Variants in MID2 observed in about 807,000 individuals in gnomAD.
MID2 encodes midline 2.
A neutral mutation model predicts 46.1 loss-of-function variants in MID2; 13 were observed. The ratio of observed to expected loss-of-function variants is 0.28; its 90% CI spans 0.18 to 0.45. MID2 has a LOEUF of 0.45. Ranked by LOEUF, MID2 falls within the 20% of genes least tolerant of loss-of-function variation. MID2 has a pLI of 1.00. For missense variants in MID2, 431 were observed against 575.4 expected (o/e 0.75, Z 2.57); for synonymous variants, 199 against 212.3 (o/e 0.94, Z 0.55).
At chrX:107,871,794 TC>T (rs1440582223) in intron 3 of MID2, among the ~76,000 whole-genome samples, 1 of 111,056 alleles carries the variant, frequency 9.0e-6, no homozygotes, top group Non-Finnish European at 1.9e-5. Context: ...CTTTCCAACT[TC>T]CAACCATAGT....
chrX:107,867,492 C>G (rs1294621120), intron 3 of MID2, among the ~76,000 whole-genome samples: 3 of 110,764 alleles, frequency 2.7e-5, no homozygotes, highest in Admixed American at 9.7e-5. Flanking sequence ...TTTATACTGC[C>G]CCTCTGCTGG....
intron 6 of MID2, among the ~76,000 whole-genome samples, chrX:107,916,907 G>A (rs1300179231): frequency 2.7e-5 from 3 of 112,484 alleles, no homozygotes; most frequent in Non-Finnish European, 3.8e-5. Flanking sequence ...TTGGGAGGCC[G>A]AGGTGGGTGG....
At chrX:107,854,504 G>A in intron 2 of MID2, 105 bp from the exon 3 acceptor site, 1 of 554,302 alleles carries the variant, frequency 1.8e-6, no homozygotes, top group Admixed American at 2.5e-5. Context: ...TGAAACATTT[G>A]TCTACTGACT....
In MID2 at chrX:107,898,902, A is replaced by G. The variant is rs187462719; in HGVS notation, c.817-5056A>G. 7.8e-4 allele frequency among the ~76,000 whole-genome samples: 87 copies of G among 111,406 alleles called. 1 individual carries two copies. The highest frequency in any genetic ancestry group is 2.5e-4 in the Non-Finnish European group (13 of 53,049). ...AAGCCAGTGAGGAATTCCTTGCCATATAATTATTATTATTATTATTGCATT... is the reference window on the plus strand; with the variant it reads ...AAGCCAGTGAGGAATTCCTTGCCATGTAATTATTATTATTATTATTGCATT... On this transcript the variant is annotated intron_variant, in intron 3 of 9. Transcript: ENST00000262843.
At chrX:107,892,918 C>T (rs977419266) in intron 3 of MID2, among the ~76,000 whole-genome samples, 1 of 112,762 alleles carries the variant, frequency 8.9e-6, no homozygotes, top group African/African-American at 3.2e-5. Flanking sequence ...TGCTCAGTAT[C>T]TGCTTCCCTG....
Position 107,829,251 on chromosome X carries a change from T to G in MID2, c.4+2821T>G, listed in dbSNP as rs533245882. 6.6e-4 allele frequency among the ~76,000 whole-genome samples: 74 copies of G among 112,181 alleles called. 2 individuals are homozygous for G. The South Asian group carries it at 0.026, about 39-fold the overall frequency. On this transcript the variant is annotated intron_variant, in intron 1 of 9. Transcript: ENST00000262843. ...GATTGACTGGGTGTAAGCAGGAATC[T>G]TAGCTTACTGAAAACCTTTAGCTTC... is the stretch of plus-strand genomic sequence containing the variant.
rs769517180 is a variant in MID2, at chrX:107,908,601, G to A, written c.1073+2975G>A. Among the ~76,000 whole-genome samples the A allele has an allele frequency of 1.3e-4, 14 of 109,567 alleles. No homozygotes were observed. In the East Asian group the frequency reaches 4.0e-3, roughly 31 times the overall value. On this transcript the variant is annotated intron_variant, in intron 5 of 9. Coordinates refer to ENST00000262843, the MANE Select transcript of MID2 (RefSeq NM_012216.4). ...TCCATATCTCAAGATATTCAGGCTG[G>A]GTGTGGTGGCTCACACCTTTAATCA... is the stretch of plus-strand genomic sequence containing the variant.
At chrX:107,831,481 A>G (rs1311143454) in intron 1 of MID2, among the ~76,000 whole-genome samples, 5 of 112,342 alleles carry the variant, frequency 4.5e-5, no homozygotes, top group Non-Finnish European at 9.4e-5. Context: ...CTTAATATAT[A>G]CAGCACAGAG....
At chrX:107,887,519 G>A (rs1183695087) in intron 3 of MID2, among the ~76,000 whole-genome samples, 1 of 111,566 alleles carries the variant, frequency 9.0e-6, no homozygotes, top group Non-Finnish European at 1.9e-5. Context: ...TGCTGGATTC[G>A]GTTTGCCAGT....
intron 3 of MID2, among the ~76,000 whole-genome samples, chrX:107,858,223 G>A (rs1410091207): frequency 8.9e-6 from 1 of 111,852 alleles, no homozygotes; most frequent in South Asian, 3.8e-4. Flanking sequence ...TTTCTGCTGC[G>A]GCTGGAGAGC....
chrX:107,843,269 C>T (rs1265833673), intron 2 of MID2, among the ~76,000 whole-genome samples: 1 of 112,048 alleles, frequency 8.9e-6, no homozygotes, highest in Non-Finnish European at 1.9e-5. Context: ...TCCATATGCA[C>T]TGTTGAGATA....
At chrX:107,884,684 A>AAAAAC (rs3060813) in intron 3 of MID2, among the ~76,000 whole-genome samples, 8,675 of 108,569 alleles carry the variant, frequency 0.08, 375 homozygotes, top group Non-Finnish European at 0.12. Context: ...CAAAGAGACC[A>AAAAAC]AAAACAAAAC....
At chrX:107,850,483 C>T (rs1010283474) in intron 2 of MID2, among the ~76,000 whole-genome samples, 4 of 112,002 alleles carry the variant, frequency 3.6e-5, no homozygotes, top group South Asian at 7.4e-4. Flanking sequence ...AGTAAATGTT[C>T]GGTGTTTTCC....
chrX:107,928,123 C>T lies in MID2; in HGVS notation c.*1050C>T, dbSNP rs993598725. ...CTTTTAAAAAGTTGCACAGTGAAGG[C>T]TCTTTAGGAACCTACTTTACTTAAT... On this transcript the variant is annotated 3_prime_UTR_variant, in exon 10 of 10. Coordinates refer to ENST00000262843, the MANE Select transcript of MID2 (RefSeq NM_012216.4). Among the ~76,000 whole-genome samples the T allele has an allele frequency of 1.5e-4, 17 of 111,853 alleles. No homozygotes were observed. Among genetic ancestry groups the T allele is most frequent in the African/African-American group, 5.5e-4 (17 of 30,778 alleles).
Position 107,926,860 on chromosome X carries a change from G to A in MID2, c.1995G>A (p.Leu665=). 8.3e-7 allele frequency: 1 copy of A among 1,210,748 alleles called. No homozygotes were observed. The highest frequency in any genetic ancestry group is 1.1e-6 in the Non-Finnish European group (1 of 894,603). The change falls in exon 10 of 10, where the codon CTG becomes CTA. Residue 665 remains leucine, a synonymous_variant. Coordinates refer to ENST00000262843, the MANE Select transcript of MID2 (RefSeq NM_012216.4). ...GVLLDYDNNM[L]SFYDPANSLH... ...TCCTGGATTATGACAACAATATGCT[G>A]TCTTTCTATGACCCAGCTAACTCTC...
In MID2 at chrX:107,876,240, A is replaced by G. The variant is rs749021518; in HGVS notation, c.816+21536A>G. On this transcript the variant is annotated intron_variant, in intron 3 of 9. Coordinates refer to ENST00000262843, the MANE Select transcript of MID2 (RefSeq NM_012216.4). ...CTCTCTCCTGGACCTCCCTATCTCT[A>G]TTATAAAAGATCAAGGTGGCCACTT... Among the ~76,000 whole-genome samples the G allele has an allele frequency of 2.7e-4, 30 of 110,946 alleles. No homozygotes were observed. In the South Asian group the frequency reaches 0.012, roughly 43 times the overall value.
At position 107,916,059 on chromosome X, in the gene MID2, T is replaced by A; in HGVS notation, c.1131T>A (p.Asp377Glu). 1 of 1,203,929 alleles carries A rather than the reference T, an allele frequency of 8.3e-7. No homozygotes were observed. The highest frequency in any genetic ancestry group is 1.1e-6 in the Non-Finnish European group (1 of 890,564). The change falls in exon 6 of 10, where the codon GAT becomes GAA. Residue 377 changes from aspartate to glutamate, a missense_variant. Physicochemically the swap from Asp to Glu is conservative, Grantham distance 45. Coordinates refer to ENST00000262843, the MANE Select transcript of MID2 (RefSeq NM_012216.4). ...QVLIPDINFN[D>E]AFENFALDFS... ...TGATTCCAGACATCAATTTTAATGA[T>A]GCCTTTGAAAACTTTGCTTTAGATT...
intron 1 of MID2, among the ~76,000 whole-genome samples, chrX:107,831,521 T>C (rs1453336259): frequency 8.9e-6 from 1 of 112,181 alleles, no homozygotes; most frequent in Non-Finnish European, 1.9e-5. Context: ...TCCAGATCCT[T>C]GATCACTTTG....
intron 3 of MID2, among the ~76,000 whole-genome samples, chrX:107,868,389 A>T (rs767905710): frequency 6.6e-4 from 74 of 111,776 alleles, no homozygotes; most frequent in African/African-American, 2.1e-3. Flanking sequence ...AAAGACTTAA[A>T]TATCTTGAAA....
Sources: allele counts gnomAD v4.1 joint callset (sites outside exome capture counted in the v4.1 genomes callset), GRCh38; gene constraint gnomAD v4.1.1; transcripts MANE v1.5; gene names NCBI Gene and HGNC (gene_info 2026-07-23, HGNC 2026-07-21).